The following MAP2 variants were observed in gnomAD, a reference collection of about 807,000 sequenced individuals.
MAP2 encodes microtubule-associated protein 2.
MAP2 carries 14 observed loss-of-function variants against 137.6 expected under a neutral mutation model. The observed-to-expected ratio is 0.10, with a 90% CI of 0.07 to 0.16. The LOEUF (loss-of-function observed/expected upper bound fraction) is 0.16. MAP2 is among the 10% of genes least tolerant of loss of function. The probability of loss-of-function intolerance (pLI) is 1.00; values close to 1 mark genes in which losing one functional copy is unlikely to be tolerated. For synonymous variants in MAP2, 786 were observed against 782.3 expected (o/e 1.00, Z -0.08); for missense variants, 2,088 against 2,191.5 (o/e 0.95, Z 0.94).
At chr2:209,690,669 G>A (rs2058585680) in intron 7 of MAP2, 2 of 1,289,678 alleles carry the variant, frequency 1.6e-6, no homozygotes, top group Non-Finnish European at 2.0e-6. Context: ...GAGAAAGAGT[G>A]TGGGGCTGCT....
chr2:209,608,267 T>C (rs1312052648), intron 3 of MAP2, among the ~76,000 whole-genome samples: 1 of 151,766 alleles, frequency 6.6e-6, no homozygotes. Flanking sequence ...ATATTATTAG[T>C]GGCTACCCAT....
chr2:209,663,780 T>C (rs1020670428), intron 5 of MAP2, among the ~76,000 whole-genome samples: 2 of 152,212 alleles, frequency 1.3e-5, no homozygotes, highest in African/African-American at 4.8e-5. Context: ...CCTCTGGTTC[T>C]TGCAAAGCAT....
intron 1 of MAP2, among the ~76,000 whole-genome samples, chr2:209,468,630 G>GTA (rs1704827977): frequency 6.6e-6 from 1 of 152,008 alleles, no homozygotes; most frequent in Non-Finnish European, 1.5e-5. Context: ...TCAGTTTAGT[G>GTA]TTTCTTTAAG....
chr2:209,593,647 ATATATAT>A (rs1228561457), intron 3 of MAP2, among the ~76,000 whole-genome samples: 2 of 71,504 alleles, frequency 2.8e-5, no homozygotes, highest in African/African-American at 9.9e-5. Context: ...ATATATATAT[ATATATAT>A]ATATATATAT....
At chr2:209,484,561 G>T (rs1003298231) in intron 1 of MAP2, among the ~76,000 whole-genome samples, 3 of 152,124 alleles carry the variant, frequency 2.0e-5, no homozygotes, top group Admixed American at 6.5e-5. Flanking sequence ...GTGGTTGCAG[G>T]CGCCTGTATT....
chr2:209,575,279 T>C (rs1333574146), intron 2 of MAP2, among the ~76,000 whole-genome samples: 1 of 151,990 alleles, frequency 6.6e-6, no homozygotes, highest in Non-Finnish European at 1.5e-5. Context: ...CCCAGCACTT[T>C]GGGAGGCCAA....
rs562097365 is a variant in MAP2 at position 209,596,043 on chromosome 2, A to G, written c.-107+15943A>G. ...TGGGTGCAGCAAACCAACACGGCACATGTATACCTATGTAACAAACCTACA... is the reference window on the plus strand; with the variant it reads ...TGGGTGCAGCAAACCAACACGGCACGTGTATACCTATGTAACAAACCTACA... On this transcript the variant is annotated intron_variant, in intron 3 of 15. Coordinates refer to ENST00000682079, the MANE Select transcript of MAP2 (RefSeq NM_001375505.1). Among the ~76,000 whole-genome samples the G allele has an allele frequency of 1.8e-4, 28 of 152,336 alleles. 1 individual carries two copies. In the East Asian group the frequency reaches 4.8e-3, roughly 26 times the overall value.
intron 5 of MAP2, among the ~76,000 whole-genome samples, chr2:209,671,731 C>T (rs892551333): frequency 6.6e-6 from 1 of 151,834 alleles, no homozygotes; most frequent in South Asian, 2.1e-4. Context: ...TCTCTAACAA[C>T]CTGAAAGAAA....
intron 2 of MAP2, among the ~76,000 whole-genome samples, chr2:209,542,045 A>G (rs2067144149): frequency 6.6e-6 from 1 of 152,206 alleles, no homozygotes; most frequent in Non-Finnish European, 1.5e-5. Context: ...TGTGGTAGCT[A>G]CAGCCTTATG....
chr2:209,696,931 G>A lies in MAP2; in HGVS notation c.4402G>A (p.Ala1468Thr). 1 of 1,604,072 alleles carries A rather than the reference G, an allele frequency of 6.2e-7. No individual in the cohort carries two copies. The highest frequency in any genetic ancestry group is 8.5e-7 in the Non-Finnish European group (1 of 1,177,536). The change falls in exon 10 of 16, where the codon GCT (alanine) becomes ACT (threonine). Residue 1468 changes from alanine (A) to threonine (T), a missense_variant. Transcript: ENST00000682079. Reference protein sequence around the residue: ...VRRKKAVYKKAELAKKTEVQA... With the variant: ...VRRKKAVYKKTELAKKTEVQA... Reference sequence around the variant, plus strand: ...CTTATTCATAGCAGTTTATAAGAAGGCTGAACTTGCTAAAAAAACAGAAGT... The same window carrying A: ...CTTATTCATAGCAGTTTATAAGAAGACTGAACTTGCTAAAAAAACAGAAGT...
intron 4 of MAP2, among the ~76,000 whole-genome samples, chr2:209,629,518 T>G (rs977422215): frequency 6.6e-6 from 1 of 152,224 alleles, no homozygotes; most frequent in South Asian, 2.1e-4. Flanking sequence ...AAATAAATAC[T>G]TTGACTTGCA....
chr2:209,673,129 C>G (rs914831232), intron 5 of MAP2, among the ~76,000 whole-genome samples: 1 of 151,812 alleles, frequency 6.6e-6, no homozygotes, highest in Non-Finnish European at 1.5e-5. Context: ...ATCTATTGCT[C>G]TGTTGCCTAG....
In MAP2 at chr2:209,648,800, A is replaced by G. The variant is rs995547241; in HGVS notation, c.-29-4342A>G. 9.1e-5 allele frequency among the ~76,000 whole-genome samples: 13 copies of G among 143,164 alleles called. No homozygotes were observed. In the East Asian group the frequency reaches 2.1e-3, roughly 23 times the overall value. 93.9% of individuals were successfully genotyped at this position (143,164 alleles called of 152,430 possible). A position where few individuals can be genotyped will look rare whatever the true frequency, so the allele number is the denominator to read the frequency against. ...CAAGACTCCGTCTCAAAAAAAAAAA[A>G]AAAGAAAGAAAGAAAGTTGTTTAGG... On this transcript the variant is annotated intron_variant, in intron 4 of 15. Transcript: ENST00000682079.
At chr2:209,454,786 G>A (rs1191453028) in intron 1 of MAP2, among the ~76,000 whole-genome samples, 3 of 151,836 alleles carry the variant, frequency 2.0e-5, no homozygotes, top group African/African-American at 7.3e-5. Context: ...TTAAACAGGT[G>A]CATTGCACTC....
chr2:209,574,419 T>C (rs78110157), intron 2 of MAP2, among the ~76,000 whole-genome samples: 81 of 140,502 alleles, frequency 5.8e-4, no homozygotes, highest in Non-Finnish European at 9.4e-4. Context: ...TTTTTAGAGC[T>C]GCATAGTATA....
chr2:209,588,176 G>A (rs1465805176), intron 3 of MAP2, among the ~76,000 whole-genome samples: 1 of 152,178 alleles, frequency 6.6e-6, no homozygotes, highest in African/African-American at 2.4e-5. Flanking sequence ...GCATCATCAA[G>A]CTGGAATTGA....
At position 209,505,116 on chromosome 2, in the gene MAP2, A is replaced by G. The variant is rs1252619104; in HGVS notation, c.-221-2476A>G. ...ACTTTCTCTTTAAATTTGTGGAGCA[A>G]AACAAAAAATAAACAACAAGAAACT... On this transcript the variant is annotated intron_variant, in intron 1 of 15. Coordinates refer to ENST00000682079, the MANE Select transcript of MAP2 (RefSeq NM_001375505.1). Among the ~76,000 whole-genome samples the G allele has an allele frequency of 3.3e-5, 5 of 152,090 alleles. No homozygotes were observed. In the East Asian group the frequency reaches 9.6e-4, roughly 29 times the overall value.
chr2:209,650,886 G>A (rs139434746), intron 4 of MAP2, among the ~76,000 whole-genome samples: 410 of 152,198 alleles, frequency 2.7e-3, no homozygotes, highest in African/African-American at 9.6e-3. Context: ...TGTTTACAAT[G>A]TTCTCTGTGT....
intron 1 of MAP2, among the ~76,000 whole-genome samples, chr2:209,502,541 A>G (rs1029582823): frequency 1.3e-5 from 2 of 152,212 alleles, no homozygotes; most frequent in African/African-American, 2.4e-5. Context: ...TAATGCTGCA[A>G]TGAACACAGG....
Sources: allele counts gnomAD v4.1 joint callset (sites outside exome capture counted in the v4.1 genomes callset), GRCh38; gene constraint gnomAD v4.1.1; transcripts MANE v1.5; gene names NCBI Gene and HGNC (gene_info 2026-07-23, HGNC 2026-07-21).